NAA20: variants seen among roughly 807,000 people sequenced by gnomAD.
NAA20 encodes the protein N-alpha-acetyltransferase 20, NatB catalytic subunit.
In NAA20, 24 loss-of-function variants were observed where a neutral mutation model predicts 23.8. That is an observed-to-expected ratio of 1.01 (90% CI 0.73 to 1.42). The LOEUF is 1.42. NAA20 is among the 40% of genes most tolerant of loss of function. NAA20 has a pLI of 0.00. For synonymous variants in NAA20, 83 were observed against 77.7 expected, an observed-to-expected ratio of 1.07 and a Z score of -0.36; for missense variants, 166 against 223.1, an observed-to-expected ratio of 0.74 and a Z score of 1.63.
intron 1 of NAA20, chr20:20,018,837 A>G: frequency 1.0e-6 from 1 of 973,986 alleles, no homozygotes; most frequent in Non-Finnish European, 1.2e-6. Flanking sequence ...TGAGTAAACC[A>G]AGGCATGGCA....
At chr20:20,017,480 C>G (rs1286603632) in intron 1 of NAA20, 31 bp downstream of exon 1, 22 of 1,584,512 alleles carry the variant, frequency 1.4e-5, no homozygotes, top group Non-Finnish European at 1.8e-5. Context: ...GCCAGCCGCT[C>G]TTGGCCGGGC....
At chr20:20,022,318 C>T (rs1031547507) in intron 1 of NAA20, 138 bp from the exon 2 acceptor site, 2 of 721,480 alleles carry the variant, frequency 2.8e-6, no homozygotes, top group Non-Finnish European at 4.5e-6. Context: ...TCTGCCTCAG[C>T]CCTAAAGTTG....
At chr20:20,017,880 C>G in intron 1 of NAA20, 2 of 1,585,828 alleles carry the variant, frequency 1.3e-6, no homozygotes, top group Non-Finnish European at 1.7e-6. Flanking sequence ...AGGGCACCGC[C>G]GACGGCCAGG....
intron 3 of NAA20, 139 bp downstream of exon 3, chr20:20,025,906 G>A (rs2043303324): frequency 1.4e-6 from 1 of 691,544 alleles, no homozygotes; most frequent in Admixed American, 2.2e-5. Context: ...AGAACTTACT[G>A]ATCTCTGTTT....
chr20:20,025,466 T>G (rs910486645), intron 2 of NAA20, among the ~76,000 whole-genome samples: 1 of 152,228 alleles, frequency 6.6e-6, no homozygotes, highest in African/African-American at 2.4e-5. Context: ...GCTATCACCA[T>G]TCCACACTTG....
rs1162811126 is a variant in NAA20, at chr20:20,017,649, G to T, written c.53+200G>T. On this transcript the variant is annotated intron_variant, in intron 1 of 5. Coordinates refer to ENST00000334982, the MANE Select transcript of NAA20 (RefSeq NM_016100.5). The stretch of plus-strand genomic sequence containing the variant: ...AGAGGTGGGCCTGGAGTCGACGCAC[G>T]CCGGCCTTGGCGACCTTGGCCGAGG... 5.9e-6 allele frequency: 8 copies of T among 1,346,230 alleles called. No individual in the cohort carries two copies. The African/African-American group carries it at 1.0e-4, about 18-fold the overall frequency. 83.4% of individuals were successfully genotyped at this position (1,346,230 alleles called of 1,614,324 possible).
At chr20:20,030,688 T>C (rs1209579705) in intron 4 of NAA20, among the ~76,000 whole-genome samples, 1 of 151,486 alleles carries the variant, frequency 6.6e-6, no homozygotes. Flanking sequence ...AAAGTCAGTA[T>C]AAAAATCAAT....
In NAA20 at chr20:20,026,804, T is replaced by C; in HGVS notation, c.190T>C (p.Ser64Pro). The change falls in exon 4 of 6, where the codon TCA (serine) becomes CCA (proline). Residue 64 changes from serine (S) to proline (P), a missense_variant. Physicochemically the swap from Ser to Pro is moderately conservative, Grantham distance 74. Transcript: ENST00000334982. ...MGYIMGKAEG[S>P]VAREEWHGHV... ...GGCAGTTATGGGTAAAGCAGAAGGC[T>C]CAGTAGCTAGGGAAGAATGGCACGG... 6.2e-7 allele frequency: 1 copy of C among 1,614,156 alleles called. No homozygotes were observed. Among genetic ancestry groups the C allele is most frequent in the Non-Finnish European group, 8.5e-7 (1 of 1,180,010 alleles).
intron 2 of NAA20, among the ~76,000 whole-genome samples, chr20:20,022,831 C>T (rs780914177): frequency 6.6e-6 from 1 of 152,194 alleles, no homozygotes; most frequent in Admixed American, 6.5e-5. Flanking sequence ...GATAAGCAGT[C>T]CCAGGCAGGT....
At chr20:20,029,704 A>T (rs887546721) in intron 4 of NAA20, among the ~76,000 whole-genome samples, 1 of 152,144 alleles carries the variant, frequency 6.6e-6, no homozygotes, top group Admixed American at 6.5e-5. Context: ...ACAAAACTAC[A>T]AGGAGAAATA....
chr20:20,024,219 T>G (rs62203272), intron 2 of NAA20, among the ~76,000 whole-genome samples: 9,070 of 152,242 alleles, frequency 0.06, 341 homozygotes, highest in East Asian at 0.11. Flanking sequence ...TGGAATAAGA[T>G]TCACACACAA....
intron 5 of NAA20, among the ~76,000 whole-genome samples, chr20:20,032,867 TTACA>T (rs1300827939): frequency 1.3e-5 from 2 of 152,240 alleles, no homozygotes; most frequent in Non-Finnish European, 2.9e-5. Context: ...TTTCACTCTG[TTACA>T]TACATATTAT....
intron 2 of NAA20, among the ~76,000 whole-genome samples, chr20:20,024,650 G>A (rs1373258761): frequency 1.3e-5 from 2 of 152,158 alleles, no homozygotes; most frequent in African/African-American, 4.8e-5. Flanking sequence ...GCCTATATTT[G>A]AAAGTAACCT....
chr20:20,032,547 T>C lies in NAA20; in HGVS notation c.345T>C (p.Ser115=), dbSNP rs752222559. Residue 115 remains serine (S), a synonymous_variant, in exon 5 of 6, where the codon TCT becomes TCC. Coordinates refer to ENST00000334982, the MANE Select transcript of NAA20 (RefSeq NM_016100.5). The stretch of plus-strand genomic sequence containing the variant: ...TTGTGGATCTCTTTGTAAGAGTATC[T>C]AACCAAGTTGCAGTTAACATGTACA... ...GFFVDLFVRV[S]NQVAVNMYKQ... is the part of the protein sequence containing the mutation. 15 of 1,613,652 alleles carry C rather than the reference T, an allele frequency of 9.3e-6. No homozygotes were observed. The highest frequency in any genetic ancestry group is 1.2e-5 in the Non-Finnish European group (14 of 1,179,718).
At chr20:20,017,659 G>A (rs1206446178) in intron 1 of NAA20, 4 of 1,379,808 alleles carry the variant, frequency 2.9e-6, no homozygotes, top group East Asian at 2.6e-5. Context: ...GCCGGCCTTG[G>A]CGACCTTGGC....
intron 3 of NAA20, among the ~76,000 whole-genome samples, chr20:20,026,511 G>GTTT (rs11481799): frequency 7.0e-6 from 1 of 142,626 alleles, no homozygotes. Context: ...ACATACTCTG[G>GTTT]TTTTTTTTTT....
chr20:20,023,225 AGAGGTTGCAGTGAGCC>A (rs1336576638), intron 2 of NAA20, among the ~76,000 whole-genome samples: 58 of 151,546 alleles, frequency 3.8e-4, no homozygotes, highest in African/African-American at 1.2e-3. Context: ...CCCGGGAGGC[AGAGGTTGCAGTGAGCC>A]GAGGTTGCAG....
At chr20:20,026,123 G>A (rs2043304609) in intron 3 of NAA20, among the ~76,000 whole-genome samples, 1 of 152,090 alleles carries the variant, frequency 6.6e-6, no homozygotes, top group Non-Finnish European at 1.5e-5. Context: ...TGGCCAAATG[G>A]TGAAAGCCTG....
intron 1 of NAA20, chr20:20,017,828 C>CT: frequency 2.7e-6 from 4 of 1,502,678 alleles, no homozygotes; most frequent in Non-Finnish European, 3.6e-6. Context: ...CCCTGCCCTA[C>CT]TGCTTGCTGG....
Sources: allele counts gnomAD v4.1 joint callset (sites outside exome capture counted in the v4.1 genomes callset), GRCh38; gene constraint gnomAD v4.1.1; transcripts MANE v1.5; gene names NCBI Gene and HGNC (gene_info 2026-07-23, HGNC 2026-07-21).